INPP4B: variants seen among roughly 807,000 people sequenced by gnomAD.
The protein encoded by INPP4B is inositol polyphosphate 4-phosphatase type II.
Under a neutral mutation model 122.5 loss-of-function variants are expected in INPP4B, and 55 were observed. The ratio of observed to expected loss-of-function variants is 0.45; its 90% CI spans 0.36 to 0.56. The LOEUF is 0.56. Among genes scored for constraint, INPP4B ranks in the 20% least tolerant of loss-of-function variants. The pLI is 0.00. For synonymous variants in INPP4B, 403 were observed against 388.7 expected, an observed-to-expected ratio of 1.04 and a Z score of -0.43; for missense variants, 1,000 against 1,097.7, an observed-to-expected ratio of 0.91 and a Z score of 1.26.
Position 142,173,625 on chromosome 4 carries a change from A to G in INPP4B, c.1359+7T>C. On this transcript the variant is annotated splice_region_variant and intron_variant, in intron 16 of 25. Coordinates refer to ENST00000262992, the MANE Select transcript of INPP4B (RefSeq NM_001101669.3). ...TTTCCCAACTATAGTGATGATTTGG[A>G]TCTTACTTTTTCTGAAAGCATCTTT... 6.2e-7 allele frequency: 1 copy of G among 1,609,400 alleles called. No homozygotes were observed. Among genetic ancestry groups the G allele is most frequent in the Middle Eastern group, 1.7e-4 (1 of 6,038 alleles).
intron 7 of INPP4B, among the ~76,000 whole-genome samples, chr4:142,375,435 G>A (rs1331060718): frequency 5.3e-5 from 8 of 151,830 alleles, no homozygotes; most frequent in South Asian, 4.2e-4. Flanking sequence ...CTGTAAGGAT[G>A]CCTCCCAAAT....
At chr4:142,134,524 T>C (rs1802975497) in intron 18 of INPP4B, among the ~76,000 whole-genome samples, 2 of 152,096 alleles carry the variant, frequency 1.3e-5, no homozygotes, top group Admixed American at 6.6e-5. Context: ...TTATTTAAGT[T>C]TTAAAAAAAT....
At chr4:142,359,764 A>G (rs1784807271) in intron 7 of INPP4B, among the ~76,000 whole-genome samples, 1 of 151,976 alleles carries the variant, frequency 6.6e-6, no homozygotes, top group Non-Finnish European at 1.5e-5. Context: ...AGATTCAATT[A>G]TTTCAAGGAT....
chr4:142,727,961 A>T (rs1376447202), intron 1 of INPP4B, among the ~76,000 whole-genome samples: 1 of 152,202 alleles, frequency 6.6e-6, no homozygotes, highest in Non-Finnish European at 1.5e-5. Context: ...AAAATTTCAC[A>T]AAAGAGAACT....
At chr4:142,280,226 C>T (rs1431961469) in intron 9 of INPP4B, among the ~76,000 whole-genome samples, 1 of 151,818 alleles carries the variant, frequency 6.6e-6, no homozygotes, top group Non-Finnish European at 1.5e-5. Context: ...CTTAGGGTCA[C>T]ATAAAAACCT....
At position 142,151,263 on chromosome 4, in the gene INPP4B, C is replaced by T. The variant is rs561684731; in HGVS notation, c.1564-5267G>A. 1.8e-4 allele frequency among the ~76,000 whole-genome samples: 27 copies of T among 152,126 alleles called. 1 individual carries two copies. The highest frequency in any genetic ancestry group is 4.6e-4 in the African/African-American group (19 of 41,512). On this transcript the variant is annotated intron_variant, in intron 17 of 25. Transcript: ENST00000262992. ...TTCAAACTGGCACGTGTATAGCCCACGGTATCTCTTTCTTTCACACACACA... is the reference window on the plus strand; with the variant it reads ...TTCAAACTGGCACGTGTATAGCCCATGGTATCTCTTTCTTTCACACACACA...
At chr4:142,485,457 A>T (rs1821089722) in intron 2 of INPP4B, among the ~76,000 whole-genome samples, 1 of 152,170 alleles carries the variant, frequency 6.6e-6, no homozygotes, top group African/African-American at 2.4e-5. Flanking sequence ...GTCAGCTAAG[A>T]AGGAAAATAA....
At chr4:142,479,543 A>G (rs764031605) in intron 2 of INPP4B, among the ~76,000 whole-genome samples, 2 of 152,168 alleles carry the variant, frequency 1.3e-5, no homozygotes, top group African/African-American at 4.8e-5. Flanking sequence ...CACAATAGCA[A>G]AGTCAAGGAA....
chr4:142,378,515 T>C (rs1792848778), intron 7 of INPP4B, among the ~76,000 whole-genome samples: 1 of 152,168 alleles, frequency 6.6e-6, no homozygotes, highest in African/African-American at 2.4e-5. Flanking sequence ...GGCAAGCAAC[T>C]ATTTATTCCA....
chr4:142,318,476 T>C (rs879870559), intron 7 of INPP4B, among the ~76,000 whole-genome samples: 1 of 152,214 alleles, frequency 6.6e-6, no homozygotes, highest in Non-Finnish European at 1.5e-5. Flanking sequence ...TTTCAAGCCT[T>C]CCTTAGGAAT....
chr4:142,648,196 T>C (rs1348752522), intron 2 of INPP4B, among the ~76,000 whole-genome samples: 2 of 152,260 alleles, frequency 1.3e-5, no homozygotes, highest in Non-Finnish European at 2.9e-5. Context: ...AATATGAAAG[T>C]GCCTTCCAAG....
At chr4:142,075,276 G>A (rs1769984347) in intron 25 of INPP4B, among the ~76,000 whole-genome samples, 1 of 151,858 alleles carries the variant, frequency 6.6e-6, no homozygotes, top group African/African-American at 2.4e-5. Context: ...CAGAGGTGGG[G>A]CTCCTGACAC....
At chr4:142,711,264 T>C (rs1417234708) in intron 2 of INPP4B, among the ~76,000 whole-genome samples, 1 of 152,138 alleles carries the variant, frequency 6.6e-6, no homozygotes, top group Non-Finnish European at 1.5e-5. Flanking sequence ...TATTTAAATA[T>C]ATAACTCCAG....
intron 7 of INPP4B, among the ~76,000 whole-genome samples, chr4:142,389,761 C>T (rs1212657643): frequency 6.6e-6 from 1 of 152,042 alleles, no homozygotes; most frequent in African/African-American, 2.4e-5. Context: ...TAAGAGTTAC[C>T]ATGATAACAT....
intron 2 of INPP4B, among the ~76,000 whole-genome samples, chr4:142,517,583 G>A (rs913966139): frequency 6.6e-6 from 1 of 151,498 alleles, no homozygotes; most frequent in African/African-American, 2.4e-5. Flanking sequence ...TGCATCTTAT[G>A]AATATGTCTT....
chr4:142,215,727 A>G (rs1846843813), intron 12 of INPP4B, among the ~76,000 whole-genome samples: 1 of 151,706 alleles, frequency 6.6e-6, no homozygotes, highest in Non-Finnish European at 1.5e-5. Flanking sequence ...CCTCGTCTCT[A>G]CTAAAAATAC....
At chr4:142,678,113 T>C (rs1758084516) in intron 2 of INPP4B, among the ~76,000 whole-genome samples, 1 of 151,912 alleles carries the variant, frequency 6.6e-6, no homozygotes, top group Admixed American at 6.6e-5. Context: ...TCAGTAGAAA[T>C]ACAAATATGA....
At position 142,145,916 on chromosome 4, in the gene INPP4B, G is replaced by A. The variant is rs1287688983; in HGVS notation, c.1644C>T (p.Gly548=). The change falls in exon 18 of 26, where the codon GGC becomes GGT. Residue 548 remains glycine, a synonymous_variant. Coordinates refer to ENST00000262992, the MANE Select transcript of INPP4B (RefSeq NM_001101669.3). ...CATTGTTGCCGCCACTGCCTTCACT[G>A]CCACCATCTCTTTCAATCAGTTTGT... ...MVDKLIERDG[G]SEGSGGNNDG... The A allele has an allele frequency of 1.2e-6, 2 of 1,613,784 alleles. No homozygotes were observed. The highest frequency in any genetic ancestry group is 1.7e-5 in the Admixed American group (1 of 59,998).
chr4:142,398,264 G>A lies in INPP4B; in HGVS notation c.372+4674C>T, dbSNP rs1209509248. Among the ~76,000 whole-genome samples the A allele has an allele frequency of 3.3e-5, 5 of 149,642 alleles. No homozygotes were observed. The East Asian group carries it at 6.0e-4, about 18-fold the overall frequency. On this transcript the variant is annotated intron_variant, in intron 7 of 25. Coordinates refer to ENST00000262992, the MANE Select transcript of INPP4B (RefSeq NM_001101669.3). ...GTGGTGGCGGGCGCCTGTAGTCCCA[G>A]CTACTCGGGAGGCTGAGGCAGGAGA...
Sources: gnomAD v4.1 joint callset for allele counts (sites outside exome capture counted in the v4.1 genomes callset) on GRCh38, gnomAD v4.1.1 for gene constraint, MANE v1.5 for transcripts, NCBI Gene and HGNC (gene_info 2026-07-23, HGNC 2026-07-21) for gene names.